Variants in PTPRD observed in about 807,000 individuals in gnomAD.
PTPRD encodes protein tyrosine phosphatase receptor type D.
A neutral mutation model predicts 214.5 loss-of-function variants in PTPRD; 34 were observed. That is an observed-to-expected ratio of 0.16 (90% CI 0.12 to 0.21). The LOEUF is 0.21. PTPRD is among the 10% of genes least tolerant of loss of function. PTPRD has a pLI of 1.00. For missense variants in PTPRD, 2,545 were observed against 2,398.7 expected, an observed-to-expected ratio of 1.06 and a Z score of -1.27; for synonymous variants, 1,128 against 845.7, an observed-to-expected ratio of 1.33 and a Z score of -5.79.
intron 14 of PTPRD, among the ~76,000 whole-genome samples, chr9:8,618,885 T>C (rs2095704773): frequency 6.8e-6 from 1 of 147,060 alleles, no homozygotes. Flanking sequence ...TGTGTGTGTG[T>C]GTGTGTGTGT....
At chr9:9,440,696 A>G (rs1167350376) in intron 8 of PTPRD, among the ~76,000 whole-genome samples, 1 of 152,242 alleles carries the variant, frequency 6.6e-6, no homozygotes, top group African/African-American at 2.4e-5. Flanking sequence ...CTATTTGTTC[A>G]TTAATCCAGC....
chr9:9,338,577 C>T (rs2045519970), intron 9 of PTPRD, among the ~76,000 whole-genome samples: 1 of 151,868 alleles, frequency 6.6e-6, no homozygotes, highest in African/African-American at 2.4e-5. Context: ...CTAAAAATTC[C>T]CAGCTAAACT....
chr9:8,436,292 T>C (rs925061060), intron 35 of PTPRD, among the ~76,000 whole-genome samples: 2 of 152,096 alleles, frequency 1.3e-5, no homozygotes, highest in East Asian at 3.9e-4. Flanking sequence ...TTAATAATAA[T>C]GCATAATATG....
Position 10,292,317 on chromosome 9 carries a change from C to T in PTPRD, c.-545+48646G>A, listed in dbSNP as rs553725219. 5.3e-5 allele frequency among the ~76,000 whole-genome samples: 8 copies of T among 152,132 alleles called. No individual in the cohort carries two copies. The East Asian group carries it at 1.4e-3, about 26-fold the overall frequency. Reference sequence around the variant, plus strand: ...TACTTGTCTCTCCCCTTTCTTAATGCCACTATCCTAGTCCAAACCACCTTA... The same window carrying T: ...TACTTGTCTCTCCCCTTTCTTAATGTCACTATCCTAGTCCAAACCACCTTA... On this transcript the variant is annotated intron_variant, in intron 3 of 45. Transcript: ENST00000381196.
intron 11 of PTPRD, among the ~76,000 whole-genome samples, chr9:8,823,212 C>T (rs138220470): frequency 6.6e-6 from 1 of 152,098 alleles, no homozygotes; most frequent in South Asian, 2.1e-4. Context: ...AGTTTCACCC[C>T]CTTTGCCTGA....
intron 12 of PTPRD, among the ~76,000 whole-genome samples, chr9:8,674,568 C>G (rs1285993931): frequency 6.7e-6 from 1 of 148,480 alleles, no homozygotes; most frequent in Non-Finnish European, 1.5e-5. Context: ...TGCTACTTTA[C>G]TTATGAAAGC....
intron 11 of PTPRD, among the ~76,000 whole-genome samples, chr9:8,982,229 C>T (rs536397074): frequency 3.3e-5 from 5 of 152,094 alleles, no homozygotes; most frequent in African/African-American, 7.2e-5. Flanking sequence ...TTGAAATGCA[C>T]GTATTCCAAT....
intron 39 of PTPRD, among the ~76,000 whole-genome samples, chr9:8,344,845 G>A (rs569230678): frequency 9.2e-5 from 14 of 151,798 alleles, no homozygotes; most frequent in South Asian, 4.2e-4. Context: ...TCTTATTAAC[G>A]TTAATTTTCT....
intron 12 of PTPRD, among the ~76,000 whole-genome samples, chr9:8,696,143 C>A (rs1238995777): frequency 1.3e-5 from 2 of 152,114 alleles, no homozygotes; most frequent in Non-Finnish European, 2.9e-5. Context: ...GACCAAACAC[C>A]ACCTTCACGT....
At chr9:9,466,951 A>C (rs2094205208) in intron 8 of PTPRD, among the ~76,000 whole-genome samples, 1 of 151,920 alleles carries the variant, frequency 6.6e-6, no homozygotes, top group Non-Finnish European at 1.5e-5. Context: ...TTTTGAGAGG[A>C]TTTTCTTGAA....
intron 7 of PTPRD, among the ~76,000 whole-genome samples, chr9:9,662,679 G>C (rs1159081522): frequency 6.6e-6 from 1 of 151,536 alleles, no homozygotes; most frequent in African/African-American, 2.4e-5. Context: ...ATTCCTAAAA[G>C]ACAAAGTAAT....
At chr9:9,665,374 T>C (rs1472441606) in intron 7 of PTPRD, among the ~76,000 whole-genome samples, 1 of 151,840 alleles carries the variant, frequency 6.6e-6, no homozygotes, top group African/African-American at 2.4e-5. Flanking sequence ...CATCAGAGTA[T>C]TTTTAAAGGA....
intron 5 of PTPRD, among the ~76,000 whole-genome samples, chr9:9,807,303 C>A (rs942818923): frequency 1.3e-5 from 2 of 152,114 alleles, no homozygotes; most frequent in African/African-American, 2.4e-5. Context: ...TACACATTTT[C>A]TATTCCCTGT....
At chr9:8,676,623 G>C (rs969862423) in intron 12 of PTPRD, among the ~76,000 whole-genome samples, 7 of 151,616 alleles carry the variant, frequency 4.6e-5, no homozygotes, top group Admixed American at 4.6e-4. Context: ...GCCCAGGCTG[G>C]AGTGCAATGG....
chr9:10,554,454 C>A (rs2062020571), intron 2 of PTPRD, among the ~76,000 whole-genome samples: 1 of 151,916 alleles, frequency 6.6e-6, no homozygotes, highest in African/African-American at 2.4e-5. Context: ...TACTCTCTTC[C>A]CTTATTAATT....
chr9:9,378,208 T>C (rs531573452), intron 9 of PTPRD, among the ~76,000 whole-genome samples: 1 of 152,164 alleles, frequency 6.6e-6, no homozygotes, highest in Non-Finnish European at 1.5e-5. Context: ...CTGCAACCCC[T>C]GGCAACCACT....
chr9:10,023,931 A>C (rs2096872588), intron 4 of PTPRD, among the ~76,000 whole-genome samples: 1 of 152,176 alleles, frequency 6.6e-6, no homozygotes, highest in Admixed American at 6.5e-5. Flanking sequence ...AATTACTTCA[A>C]GTACATATTT....
At chr9:9,731,572 T>G (rs752716884) in intron 7 of PTPRD, among the ~76,000 whole-genome samples, 1 of 152,162 alleles carries the variant, frequency 6.6e-6, no homozygotes, top group South Asian at 2.1e-4. Context: ...AACTCGTCAT[T>G]TACATTAGGT....
intron 3 of PTPRD, among the ~76,000 whole-genome samples, chr9:10,035,082 C>G (rs934417513): frequency 6.6e-6 from 1 of 152,118 alleles, no homozygotes; most frequent in African/African-American, 2.4e-5. Context: ...AGTGTATAAG[C>G]ATTCCTTTTT....
Sources: allele counts gnomAD v4.1 joint callset (sites outside exome capture counted in the v4.1 genomes callset), GRCh38; gene constraint gnomAD v4.1.1; transcripts MANE v1.5; gene names NCBI Gene and HGNC (gene_info 2026-07-23, HGNC 2026-07-21).